Variants in AGPS observed in about 807,000 individuals in gnomAD.
The protein encoded by AGPS is alkylglycerone phosphate synthase.
Under a neutral mutation model 90.7 loss-of-function variants are expected in AGPS, and 26 were observed. The observed-to-expected ratio is 0.29, with a 90% CI of 0.21 to 0.40. The LOEUF is 0.40. Ranked by LOEUF, AGPS falls within the 10% of genes least tolerant of loss-of-function variation. The pLI is 1.00. For synonymous variants in AGPS, 294 were observed against 285.3 expected (o/e 1.03, Z -0.31); for missense variants, 540 against 816.1 (o/e 0.66, Z 4.12).
Position 177,420,368 on chromosome 2 carries a change from G to T in AGPS, c.350+10G>T. The T allele has an allele frequency of 1.3e-6, 2 of 1,578,158 alleles. No individual in the cohort carries two copies. The highest frequency in any genetic ancestry group is 1.7e-6 in the Non-Finnish European group (2 of 1,148,248). ...AATTGACTGGGAAAAGGTAACCCTG[G>T]TTTATTTCTTCTTTTGTTCCTCCTT... On this transcript the variant is annotated intron_variant, in intron 2 of 19. Coordinates refer to ENST00000264167, the MANE Select transcript of AGPS (RefSeq NM_003659.4).
intron 11 of AGPS, among the ~76,000 whole-genome samples, chr2:177,490,772 CAATAATTA>C (rs1159093034): frequency 6.9e-6 from 1 of 145,194 alleles, no homozygotes; most frequent in Admixed American, 7.0e-5. Flanking sequence ...ATATATTCAA[CAATAATTA>C]AGTTTTTGCT....
At chr2:177,457,106 G>T (rs566497417) in intron 8 of AGPS, among the ~76,000 whole-genome samples, 1 of 152,146 alleles carries the variant, frequency 6.6e-6, no homozygotes, top group Non-Finnish European at 1.5e-5. Flanking sequence ...GGTAGATAAC[G>T]AAATGAAGGC....
At chr2:177,467,108 C>T (rs1176173945) in intron 9 of AGPS, among the ~76,000 whole-genome samples, 1 of 144,714 alleles carries the variant, frequency 6.9e-6, no homozygotes, top group East Asian at 2.0e-4. Context: ...TTGCAGCAGC[C>T]ACTCCAGATG....
intron 8 of AGPS, among the ~76,000 whole-genome samples, chr2:177,459,320 T>A (rs1687216362): frequency 1.3e-5 from 2 of 152,120 alleles, no homozygotes. Context: ...AATTGACAAA[T>A]GGGATTTAAT....
At chr2:177,460,426 A>G (rs890311486) in intron 8 of AGPS, among the ~76,000 whole-genome samples, 1 of 152,238 alleles carries the variant, frequency 6.6e-6, no homozygotes, top group African/African-American at 2.4e-5. Flanking sequence ...TCAGCTTCAT[A>G]TGGTTGTTGA....
At chr2:177,477,319 C>T (rs1687809808) in intron 10 of AGPS, among the ~76,000 whole-genome samples, 1 of 151,928 alleles carries the variant, frequency 6.6e-6, no homozygotes, top group African/African-American at 2.4e-5. Flanking sequence ...TGAGTTACCT[C>T]CTTAGTAACC....
chr2:177,399,981 A>G (rs925226633), intron 1 of AGPS, among the ~76,000 whole-genome samples: 10 of 152,196 alleles, frequency 6.6e-5, no homozygotes, highest in African/African-American at 2.4e-4. Flanking sequence ...ATATACCACA[A>G]TTTATCCATT....
At chr2:177,421,276 G>A (rs1306465894) in intron 2 of AGPS, among the ~76,000 whole-genome samples, 1 of 151,994 alleles carries the variant, frequency 6.6e-6, no homozygotes, top group East Asian at 1.9e-4. Flanking sequence ...GATATATTAT[G>A]AGTCTATTCC....
At chr2:177,521,479 C>T in intron 18 of AGPS, 111 bp downstream of exon 18, 1 of 917,632 alleles carries the variant, frequency 1.1e-6, no homozygotes, top group East Asian at 2.5e-5. Context: ...CATGGTTTGC[C>T]TAGCTGTTAG....
intron 8 of AGPS, among the ~76,000 whole-genome samples, chr2:177,452,171 A>G (rs556060859): frequency 3.9e-5 from 6 of 152,292 alleles, no homozygotes; most frequent in African/African-American, 1.4e-4. Context: ...TGTTTGGTGA[A>G]GTAGTCTTTA....
intron 6 of AGPS, among the ~76,000 whole-genome samples, chr2:177,442,129 T>C (rs1686625278): frequency 6.6e-6 from 1 of 152,216 alleles, no homozygotes; most frequent in Non-Finnish European, 1.5e-5. Context: ...GTTCCACAAA[T>C]TGCTAGGGGC....
intron 18 of AGPS, among the ~76,000 whole-genome samples, chr2:177,522,077 C>CT (rs950661300): frequency 4.7e-5 from 7 of 148,238 alleles, no homozygotes; most frequent in Non-Finnish European, 6.0e-5. Flanking sequence ...TATGCCTCCT[C>CT]TTTTTTTTTT....
chr2:177,436,198 C>A (rs994099611), intron 3 of AGPS, among the ~76,000 whole-genome samples: 2 of 120,678 alleles, frequency 1.7e-5, no homozygotes, highest in Non-Finnish European at 1.6e-5. Flanking sequence ...CTCTGTCGCT[C>A]TGGAGTGCCG....
intron 18 of AGPS, 32 bp downstream of exon 18, chr2:177,521,400 A>G (rs778190869): frequency 6.7e-7 from 1 of 1,492,496 alleles, no homozygotes; most frequent in Non-Finnish European, 9.4e-7. Context: ...TAGCTTTTAC[A>G]GCTGTTGATT....
chr2:177,509,137 T>C (rs1255040505), intron 16 of AGPS, among the ~76,000 whole-genome samples: 2 of 152,238 alleles, frequency 1.3e-5, no homozygotes. Context: ...TTTACTTTTC[T>C]ACATGCAGTC....
intron 19 of AGPS, among the ~76,000 whole-genome samples, chr2:177,528,657 T>C (rs1301955853): frequency 6.6e-6 from 1 of 152,174 alleles, no homozygotes; most frequent in African/African-American, 2.4e-5. Flanking sequence ...TTTATTGAGG[T>C]TAATGACTTT....
intron 19 of AGPS, among the ~76,000 whole-genome samples, chr2:177,535,459 C>A (rs2079175040): frequency 6.6e-6 from 1 of 151,898 alleles, no homozygotes; most frequent in Admixed American, 6.6e-5. Flanking sequence ...GAATGCCCAG[C>A]AGTACAACTA....
chr2:177,541,729 A>G lies in AGPS; in HGVS notation c.*3534A>G, dbSNP rs1243188026. 2 of 152,184 alleles carry G rather than the reference A, an allele frequency of 1.3e-5. No homozygotes were observed. The highest frequency in any genetic ancestry group is 2.9e-5 in the Non-Finnish European group (2 of 68,028). The allele number at this position is 152,184 out of a possible 1,614,324, so 9.4% of individuals were successfully genotyped here. On this transcript the variant is annotated 3_prime_UTR_variant, in exon 20 of 20. Transcript: ENST00000264167. ...TGTTTTACCTTTGACTTTATGAGTTATAGAAGCTTGGCTTTGCTCTAGGCT... is the reference window on the plus strand; with the variant it reads ...TGTTTTACCTTTGACTTTATGAGTTGTAGAAGCTTGGCTTTGCTCTAGGCT...
At chr2:177,532,173 A>G in intron 19 of AGPS, among the ~76,000 whole-genome samples, 3 of 152,292 alleles carry the variant, frequency 2.0e-5, no homozygotes, top group Admixed American at 2.0e-4. Context: ...TGTTAGGATA[A>G]AAAGATAGGT....
Sources: allele counts gnomAD v4.1 joint callset (sites outside exome capture counted in the v4.1 genomes callset), GRCh38; gene constraint gnomAD v4.1.1; transcripts MANE v1.5; gene names NCBI Gene and HGNC (gene_info 2026-07-23, HGNC 2026-07-21).